The following KIF21B variants were observed in gnomAD, a reference collection of about 807,000 sequenced individuals.
The protein encoded by KIF21B is kinesin-like protein KIF21B.
In KIF21B, 85 loss-of-function variants were observed where a neutral mutation model predicts 192.9. That is an observed-to-expected ratio of 0.44 (90% confidence interval 0.37 to 0.53). The LOEUF (loss-of-function observed/expected upper bound fraction) is 0.53. Among genes scored for constraint, KIF21B ranks in the 20% least tolerant of loss-of-function variants. The pLI is 0.00. For synonymous variants in KIF21B, 832 were observed against 884.6 expected, an observed-to-expected ratio of 0.94 and a Z score of 1.05; for missense variants, 1,716 against 2,194.8, an observed-to-expected ratio of 0.78 and a Z score of 4.36.
Position 200,990,783 on chromosome 1 carries a change from G to A in KIF21B, c.2688-60C>T, listed in dbSNP as rs1656633558. Reference sequence around the variant, plus strand: ...TCCTTTTAACCTCTGCAGCTCCACTGAGCCCCCATCTGGAGCTGACAGCCA... The same window carrying A: ...TCCTTTTAACCTCTGCAGCTCCACTAAGCCCCCATCTGGAGCTGACAGCCA... On this transcript the variant is annotated intron_variant, in intron 18 of 34. Coordinates refer to ENST00000461742, the MANE Select transcript of KIF21B (RefSeq NM_001252102.2). This position sits in a 1 kb window ranked among gnomAD's most constrained non-coding sequence, Gnocchi z 5.4. 2 of 1,600,180 alleles carry A rather than the reference G, an allele frequency of 1.2e-6. No individual in the cohort carries two copies. The highest frequency in any genetic ancestry group is 2.7e-5 in the African/African-American group (2 of 74,616).
Position 200,977,266 on chromosome 1 carries a change from C to A in KIF21B, c.4271G>T (p.Gly1424Val). 2 of 1,614,164 alleles carry A rather than the reference C, an allele frequency of 1.2e-6. No homozygotes were observed. Among genetic ancestry groups the A allele is most frequent in the East Asian group, 4.5e-5 (2 of 44,880 alleles). ...GCCCGAGGCGGCGTACAGCATGGTG[C>A]CCGAAGGGCTGAGGGCGATCTGGTT... ...QINQIALSPSGTMLYAASGNA... is the reference protein window; with the variant it reads ...QINQIALSPSVTMLYAASGNA... The change falls in exon 31 of 35, where the codon GGC becomes GTC. Residue 1424 changes from glycine (G) to valine (V), a missense_variant. Coordinates refer to ENST00000461742, the MANE Select transcript of KIF21B (RefSeq NM_001252102.2).
At position 200,970,044 on chromosome 1, in the gene KIF21B, C is replaced by T; in HGVS notation, c.*3477G>A. 1 of 152,668 alleles carries T rather than the reference C, an allele frequency of 6.6e-6. No individual in the cohort carries two copies. Among genetic ancestry groups the T allele is most frequent in the East Asian group, 1.9e-4 (1 of 5,342 alleles). 9.5% of individuals were successfully genotyped at this position (152,668 alleles called of 1,614,324 possible). A position where few individuals can be genotyped will look rare whatever the true frequency, so the allele number is the denominator to read the frequency against. On this transcript the variant is annotated 3_prime_UTR_variant, in exon 35 of 35. Transcript: ENST00000461742. The stretch of plus-strand genomic sequence containing the variant: ...AGTCACTGCTCCTGCAGGGCAGGCT[C>T]TGCCCACACAAACACGATGGTGAAC...
chr1:201,022,050 G>A (rs150889031), intron 1 of KIF21B, among the ~76,000 whole-genome samples: 1 of 152,278 alleles, frequency 6.6e-6, no homozygotes, highest in Non-Finnish European at 1.5e-5. Flanking sequence ...TGATTCTTGA[G>A]TGCTGCCTAG....
chr1:200,990,892 C>G lies in KIF21B; in HGVS notation c.2687+25G>C. 1 of 1,612,220 alleles carries G rather than the reference C, an allele frequency of 6.2e-7. No individual in the cohort carries two copies. Reference sequence around the variant, plus strand: ...TTCCCACCCCCTCTGCCTGCACAGGCCAGGGGACTGCCAGTCCACCTTACC... The same window carrying G: ...TTCCCACCCCCTCTGCCTGCACAGGGCAGGGGACTGCCAGTCCACCTTACC... On this transcript the variant is annotated intron_variant, in intron 18 of 34. Coordinates refer to ENST00000461742, the MANE Select transcript of KIF21B (RefSeq NM_001252102.2). The surrounding 1 kb of genome is among the most constrained non-coding windows in gnomAD (Gnocchi z 5.4).
chr1:200,983,406 G>C (rs1191205172), intron 27 of KIF21B, among the ~76,000 whole-genome samples: 1 of 152,122 alleles, frequency 6.6e-6, no homozygotes, highest in Non-Finnish European at 1.5e-5. Context: ...AGGGCTGTTT[G>C]CTGGTTCCAA....
intron 26 of KIF21B, 72 bp from the exon 27 acceptor site, chr1:200,985,044 T>G: frequency 9.2e-7 from 1 of 1,092,034 alleles, no homozygotes; most frequent in South Asian, 1.5e-5. Flanking sequence ...GGTGCTGGGC[T>G]TCCACCTTCT....
rs141541631 is a variant in KIF21B at position 201,008,825 on chromosome 1, C to T, written c.391G>A (p.Ala131Thr). 3 of 1,607,488 alleles carry T rather than the reference C, an allele frequency of 1.9e-6. No homozygotes were observed. Among genetic ancestry groups the T allele is most frequent in the Non-Finnish European group, 2.5e-6 (3 of 1,179,970 alleles). Residue 131 changes from alanine (A) to threonine (T), a missense_variant, in exon 3 of 35, where the codon GCA becomes ACA. Ala to Thr is a moderately conservative substitution (Grantham distance 58). Around this residue, in one of 3 missense-constraint regions of KIF21B, gnomAD observed 1,087 missense variants for 1,316.6 expected, o/e 0.83. Coordinates refer to ENST00000461742, the MANE Select transcript of KIF21B (RefSeq NM_001252102.2). ...FGGIAERKRR[A>T]QEQGVAGPEF... ...GGTCCAGCCACGCCCTGCTCCTGTG[C>T]CCGGCGCTTGCGCTCGGCAATGCCC...
intron 3 of KIF21B, among the ~76,000 whole-genome samples, chr1:201,006,989 T>C (rs1350919845): frequency 9.2e-5 from 6 of 65,364 alleles, no homozygotes; most frequent in Admixed American, 5.1e-4. Context: ...GACACAGAGA[T>C]ACACAGACAC....
rs1183938960 is a variant in KIF21B, at chr1:201,004,430, G to A, written c.926C>T (p.Ala309Val). 6.3e-7 allele frequency: 1 copy of A among 1,578,574 alleles called. No homozygotes were observed. The highest frequency in any genetic ancestry group is 1.3e-5 in the African/African-American group (1 of 74,516). ...GLLALGNVIS[A>V]LGDQSKKVVH... ...CACCTTCTTGCTCTGGTCCCCTAAG[G>A]CGCTGATCACATTGCCCAAGGCCAG... is the stretch of plus-strand genomic sequence containing the variant. The change falls in exon 7 of 35, where the codon GCC becomes GTC. Residue 309 changes from alanine (A) to valine (V), a missense_variant. By Grantham distance (64) the Ala-to-Val change is moderately conservative. This residue lies in a region of KIF21B where 1,087 missense variants were observed against 1,316.6 expected (regional missense o/e 0.83). Coordinates refer to ENST00000461742, the MANE Select transcript of KIF21B (RefSeq NM_001252102.2).
In KIF21B at chr1:201,004,432, G is replaced by A. The variant is rs371624586; in HGVS notation, c.924C>T (p.Ser308=). The change falls in exon 7 of 35, where the codon AGC becomes AGT. Residue 308 remains serine, a synonymous_variant. Transcript: ENST00000461742. ...CGLLALGNVI[S]ALGDQSKKVV... is the part of the protein sequence containing the mutation. ...CCTTCTTGCTCTGGTCCCCTAAGGC[G>A]CTGATCACATTGCCCAAGGCCAGCT... is the stretch of plus-strand genomic sequence containing the variant. 5.6e-5 allele frequency: 89 copies of A among 1,578,000 alleles called. No individual in the cohort carries two copies. The highest frequency in any genetic ancestry group is 7.0e-5 in the Non-Finnish European group (81 of 1,161,094).
Position 200,996,340 on chromosome 1 carries a change from C to T in KIF21B, c.2133G>A (p.Glu711=). ...EKANKIKADY[E]KRLREMNRDL... ...CCCGGTTCATCTCCCGCAGCCTCTT[C>T]TCATAGTCTGCCTTGATCTTGTTGG... is the stretch of plus-strand genomic sequence containing the variant. The change falls in exon 15 of 35, where the codon GAG becomes GAA. Residue 711 remains glutamate (E), a synonymous_variant. Transcript: ENST00000461742. 6.2e-7 allele frequency: 1 copy of T among 1,614,174 alleles called. No individual in the cohort carries two copies. The highest frequency in any genetic ancestry group is 8.5e-7 in the Non-Finnish European group (1 of 1,180,036).
chr1:201,018,380 C>T (rs1658634238), intron 1 of KIF21B, among the ~76,000 whole-genome samples: 1 of 152,202 alleles, frequency 6.6e-6, no homozygotes, highest in Non-Finnish European at 1.5e-5. Flanking sequence ...GGAGCTAGGA[C>T]CATGGTGGTG....
intron 17 of KIF21B, among the ~76,000 whole-genome samples, 163 bp from the exon 18 acceptor site, chr1:200,991,312 T>G (rs981400167): frequency 1.3e-5 from 2 of 152,232 alleles, no homozygotes; most frequent in Non-Finnish European, 2.9e-5. Flanking sequence ...TGATGTGACA[T>G]GCACACAAAA....
chr1:200,985,032 T>C (rs1656196042), intron 26 of KIF21B, 60 bp from the exon 27 acceptor site: 1 of 1,265,016 alleles, frequency 7.9e-7, no homozygotes, highest in Non-Finnish European at 1.1e-6. Context: ...AGGCCCCTAC[T>C]TGGTGCTGGG....
chr1:200,996,472 C>T (rs539814227), intron 14 of KIF21B, 77 bp from the exon 15 acceptor site: 27 of 1,311,666 alleles, frequency 2.1e-5, no homozygotes, highest in Admixed American at 6.8e-5. Flanking sequence ...CAAGGGGGAA[C>T]GCAGGAACCC....
chr1:201,013,039 A>G (rs930239691), intron 1 of KIF21B, among the ~76,000 whole-genome samples: 3 of 152,178 alleles, frequency 2.0e-5, no homozygotes, highest in Admixed American at 6.5e-5. Flanking sequence ...ATGTCTGTTC[A>G]CATATGCTCA....
intron 34 of KIF21B, chr1:200,974,254 G>A (rs1571904798): frequency 1.3e-6 from 2 of 1,496,510 alleles, no homozygotes; most frequent in South Asian, 1.4e-5. Context: ...GAAGGGGAGG[G>A]GAGAGAAGGG....
At chr1:200,989,623 C>T (rs1407811642) in intron 21 of KIF21B, among the ~76,000 whole-genome samples, 1 of 152,240 alleles carries the variant, frequency 6.6e-6, no homozygotes, top group Non-Finnish European at 1.5e-5. Context: ...CCAGCAGACT[C>T]AAGCCTAGCA....
intron 1 of KIF21B, among the ~76,000 whole-genome samples, chr1:201,021,866 A>T (rs72749163): frequency 6.6e-6 from 1 of 151,774 alleles, no homozygotes; most frequent in Non-Finnish European, 1.5e-5. Context: ...CAGATGCCAT[A>T]TTTACATTTC....
Sources: allele counts gnomAD v4.1 joint callset (sites outside exome capture counted in the v4.1 genomes callset), GRCh38; gene constraint gnomAD v4.1.1; regional missense constraint gnomAD v4.1.1; non-coding constraint Gnocchi (gnomAD v3.1); transcripts MANE v1.5; gene names NCBI Gene and HGNC (gene_info 2026-07-23, HGNC 2026-07-21).